The following SPAG16 variants were observed in gnomAD, a reference collection of about 807,000 sequenced individuals.
SPAG16 encodes sperm associated antigen 16, also known as sperm-associated antigen 16 protein.
SPAG16 carries 86 observed loss-of-function variants against 80.4 expected under a neutral mutation model. The observed-to-expected ratio is 1.07, with a 90% CI of 0.90 to 1.28. The LOEUF is 1.28. Ranked by LOEUF, SPAG16 falls within the 50% of genes most tolerant of loss-of-function variation. The pLI, the probability that SPAG16 is intolerant of heterozygous loss-of-function variation, is 0.00. For synonymous variants in SPAG16, 294 were observed against 265.9 expected (o/e 1.11, Z -1.03); for missense variants, 870 against 765.3 (o/e 1.14, Z -1.61).
At chr2:213,963,920 C>A (rs961327052) in intron 12 of SPAG16, among the ~76,000 whole-genome samples, 1 of 152,060 alleles carries the variant, frequency 6.6e-6, no homozygotes, top group Non-Finnish European at 1.5e-5. Flanking sequence ...ATCTTTGAAT[C>A]TAAAGTGTGT....
intron 15 of SPAG16, among the ~76,000 whole-genome samples, chr2:214,376,249 T>C (rs892610529): frequency 3.3e-5 from 5 of 152,156 alleles, no homozygotes; most frequent in African/African-American, 1.2e-4. Flanking sequence ...AGTATACCTG[T>C]CTCGTCTCAA....
chr2:214,382,688 C>G (rs944877932), intron 15 of SPAG16, among the ~76,000 whole-genome samples: 1 of 152,130 alleles, frequency 6.6e-6, no homozygotes, highest in Non-Finnish European at 1.5e-5. Context: ...CATATTGAAT[C>G]CTAGTCTCCT....
chr2:213,975,826 T>G (rs2045342903), intron 12 of SPAG16, among the ~76,000 whole-genome samples: 1 of 151,946 alleles, frequency 6.6e-6, no homozygotes, highest in Admixed American at 6.6e-5. Context: ...GTTAGCAGCT[T>G]GCAACAACCA....
chr2:213,981,066 T>A (rs1324876039), intron 12 of SPAG16, among the ~76,000 whole-genome samples: 4 of 152,100 alleles, frequency 2.6e-5, no homozygotes. Flanking sequence ...AAGTTCGAGA[T>A]CAAGATGCCA....
chr2:214,036,456 G>A (rs558198439), intron 13 of SPAG16, among the ~76,000 whole-genome samples: 8 of 152,110 alleles, frequency 5.3e-5, no homozygotes, highest in Non-Finnish European at 1.2e-4. Context: ...TTGCTTCTAG[G>A]CATTGTTAAT....
At chr2:213,284,745 C>G in intron 1 of SPAG16, 126 bp downstream of exon 1, 3 of 1,335,518 alleles carry the variant, frequency 2.2e-6, no homozygotes, top group South Asian at 1.5e-5. Context: ...CTCTGTTGGA[C>G]TTCAAGGTGC....
chr2:213,556,932 A>G (rs2059444296), intron 10 of SPAG16, among the ~76,000 whole-genome samples: 1 of 152,150 alleles, frequency 6.6e-6, no homozygotes, highest in African/African-American at 2.4e-5. Context: ...TTCTCTATTC[A>G]TGTATCTGCC....
At chr2:213,389,336 A>G (rs1385018427) in intron 9 of SPAG16, among the ~76,000 whole-genome samples, 1 of 152,152 alleles carries the variant, frequency 6.6e-6, no homozygotes, top group Non-Finnish European at 1.5e-5. Context: ...GGACAAAAGT[A>G]TCATGGCATT....
rs1444390544 is a variant in SPAG16, at chr2:214,012,248, T to A, written c.1401-1703T>A. Among the ~76,000 whole-genome samples the A allele has an allele frequency of 6.8e-5, 9 of 132,952 alleles. 1 individual carries two copies. The highest frequency in any genetic ancestry group is 2.4e-4 in the South Asian group (1 of 4,160). The allele number at this position is 132,952 out of a possible 152,430, so 87.2% of individuals were successfully genotyped here. A position where few individuals can be genotyped will look rare whatever the true frequency, so the allele number is the denominator to read the frequency against. On this transcript the variant is annotated intron_variant, in intron 12 of 15. Transcript: ENST00000331683. The stretch of plus-strand genomic sequence containing the variant: ...TATATACTTACTTATATATATATAT[T>A]TTTATACTTACATATATATATATAT...
chr2:214,236,971 A>T (rs187647338), intron 15 of SPAG16, among the ~76,000 whole-genome samples: 1 of 152,182 alleles, frequency 6.6e-6, no homozygotes, highest in Non-Finnish European at 1.5e-5. Context: ...CATTCTCCCC[A>T]GAGTGACATC....
intron 15 of SPAG16, among the ~76,000 whole-genome samples, chr2:214,270,801 A>G (rs1169528162): frequency 1.3e-5 from 2 of 152,102 alleles, no homozygotes; most frequent in Admixed American, 6.6e-5. Context: ...TGACCATCTT[A>G]TCTATAAAGT....
chr2:213,769,478 G>T (rs2069125663), intron 10 of SPAG16, among the ~76,000 whole-genome samples: 1 of 152,114 alleles, frequency 6.6e-6, no homozygotes, highest in South Asian at 2.1e-4. Context: ...AGATTAGGTG[G>T]TATACCAGAG....
At chr2:213,476,930 C>T (rs1253920923) in intron 9 of SPAG16, among the ~76,000 whole-genome samples, 1 of 152,096 alleles carries the variant, frequency 6.6e-6, no homozygotes, top group Non-Finnish European at 1.5e-5. Context: ...GTGAGTAAGG[C>T]AGAGTAGAAT....
chr2:213,889,131 A>G (rs1022711503), intron 11 of SPAG16, among the ~76,000 whole-genome samples: 3 of 151,984 alleles, frequency 2.0e-5, no homozygotes, highest in African/African-American at 7.2e-5. Flanking sequence ...TTGCTGTTTG[A>G]GTACAATATC....
chr2:213,790,365 A>C (rs912959196), intron 10 of SPAG16, among the ~76,000 whole-genome samples: 3 of 151,868 alleles, frequency 2.0e-5, no homozygotes, highest in Non-Finnish European at 4.4e-5. Flanking sequence ...ATCATTTATC[A>C]TTCTCTGAAC....
At chr2:214,359,378 A>T (rs1461246588) in intron 15 of SPAG16, among the ~76,000 whole-genome samples, 1 of 151,900 alleles carries the variant, frequency 6.6e-6, no homozygotes, top group Non-Finnish European at 1.5e-5. Flanking sequence ...CTAAAATCAT[A>T]TTGGGCATTT....
At chr2:213,750,582 TC>T (rs1466627670) in intron 10 of SPAG16, among the ~76,000 whole-genome samples, 1 of 152,238 alleles carries the variant, frequency 6.6e-6, no homozygotes, top group Non-Finnish European at 1.5e-5. Flanking sequence ...AAATTCATGT[TC>T]CTTTGTTTAG....
At chr2:214,002,204 A>G (rs1365460796) in intron 12 of SPAG16, among the ~76,000 whole-genome samples, 3 of 152,224 alleles carry the variant, frequency 2.0e-5, no homozygotes. Flanking sequence ...GGGTGGGGAC[A>G]CAGCCAAACC....
chr2:214,320,099 G>A (rs1368071953), intron 15 of SPAG16, among the ~76,000 whole-genome samples: 1 of 151,978 alleles, frequency 6.6e-6, no homozygotes, highest in Non-Finnish European at 1.5e-5. Flanking sequence ...CTACCAAACA[G>A]TCCAGCTTCA....
Sources: allele counts gnomAD v4.1 joint callset (sites outside exome capture counted in the v4.1 genomes callset), GRCh38; gene constraint gnomAD v4.1.1; transcripts MANE v1.5; gene names NCBI Gene and HGNC (gene_info 2026-07-23, HGNC 2026-07-21).